Variants in CRISP1 observed in about 807,000 individuals in gnomAD.
CRISP1 encodes the protein cysteine rich secretory protein 1, also known as cysteine-rich secretory protein 1.
In CRISP1, 44 loss-of-function variants were observed where a neutral mutation model predicts 33.1. The observed-to-expected ratio is 1.33, with a 90% CI of 1.05 to 1.71. The LOEUF (loss-of-function observed/expected upper bound fraction) is 1.71. Ranked by LOEUF, CRISP1 falls within the 40% of genes most tolerant of loss-of-function variation. The pLI is 0.00. For synonymous variants in CRISP1, 103 were observed against 98.7 expected (o/e 1.04, Z -0.26); for missense variants, 390 against 301.2 (o/e 1.29, Z -2.18).
At chr6:49,844,757 T>C (rs1771105618) in intron 5 of CRISP1, among the ~76,000 whole-genome samples, 1 of 152,214 alleles carries the variant, frequency 6.6e-6, no homozygotes, top group Non-Finnish European at 1.5e-5. Context: ...CTGGGACCCA[T>C]TGCTGCTTCC....
chr6:49,841,199 T>C (rs1025035483), intron 5 of CRISP1, among the ~76,000 whole-genome samples: 4 of 152,112 alleles, frequency 2.6e-5, no homozygotes, highest in African/African-American at 9.7e-5. Context: ...CTGCACACAA[T>C]GGAAACCAGG....
chr6:49,853,306 A>T (rs750310390), intron 2 of CRISP1, among the ~76,000 whole-genome samples: 19 of 152,040 alleles, frequency 1.2e-4, no homozygotes, highest in Non-Finnish European at 2.2e-4. Context: ...CTCACACCTC[A>T]TTCCTGAACA....
intron 7 of CRISP1, among the ~76,000 whole-genome samples, chr6:49,837,258 G>A (rs1047037357): frequency 1.4e-4 from 21 of 152,014 alleles, no homozygotes; most frequent in African/African-American, 5.1e-4. Flanking sequence ...GGTGAAGAAA[G>A]GGCTTATGAT....
intron 4 of CRISP1, 95 bp downstream of exon 4, chr6:49,848,114 G>T: frequency 1.5e-6 from 1 of 653,948 alleles, no homozygotes; most frequent in South Asian, 2.4e-5. Flanking sequence ...AAATCTAGAT[G>T]ACTTAATTTA....
intron 1 of CRISP1, among the ~76,000 whole-genome samples, chr6:49,865,633 T>G (rs1771782295): frequency 1.3e-5 from 2 of 152,154 alleles, no homozygotes; most frequent in South Asian, 4.1e-4. Context: ...TAAGCAGTTT[T>G]GGAGAGAATA....
At chr6:49,859,999 A>C (rs1771603396) in intron 1 of CRISP1, among the ~76,000 whole-genome samples, 1 of 152,132 alleles carries the variant, frequency 6.6e-6, no homozygotes, top group Non-Finnish European at 1.5e-5. Context: ...AACAGACTTT[A>C]AGTTCAAAAC....
chr6:49,861,972 CTT>C (rs1399199958), intron 1 of CRISP1, among the ~76,000 whole-genome samples: 1 of 152,122 alleles, frequency 6.6e-6, no homozygotes, highest in East Asian at 1.9e-4. Flanking sequence ...AGCTGAATGT[CTT>C]TTCTCTAAGG....
intron 6 of CRISP1, among the ~76,000 whole-genome samples, chr6:49,839,686 A>T (rs1770920848): frequency 6.6e-6 from 1 of 152,228 alleles, no homozygotes. Flanking sequence ...CAACCAAGAA[A>T]ATTCCCCATC....
intron 2 of CRISP1, among the ~76,000 whole-genome samples, chr6:49,854,131 G>A (rs1241645871): frequency 6.6e-6 from 1 of 152,076 alleles, no homozygotes; most frequent in African/African-American, 2.4e-5. Flanking sequence ...TGCTTCAACT[G>A]TCTCACCCAG....
rs200578637 is a variant in CRISP1, at chr6:49,863,290, T to C, written c.-3+3139A>G. On this transcript the variant is annotated intron_variant, in intron 1 of 7. Transcript: ENST00000335847. ...ACCTCTGGGACTTATCTTATCCCAATGTTCCAATAGGATAAATTATTCTCT... is the reference window on the plus strand; with the variant it reads ...ACCTCTGGGACTTATCTTATCCCAACGTTCCAATAGGATAAATTATTCTCT... Among the ~76,000 whole-genome samples the C allele has an allele frequency of 2.7e-4, 41 of 152,288 alleles. No homozygotes were observed. The East Asian group carries it at 7.1e-3, about 27-fold the overall frequency.
At chr6:49,837,224 C>G (rs1202353431) in intron 7 of CRISP1, among the ~76,000 whole-genome samples, 1 of 152,118 alleles carries the variant, frequency 6.6e-6, no homozygotes, top group Non-Finnish European at 1.5e-5. Context: ...CCTTTAATAG[C>G]TCTCACTTTC....
upstream of CRISP1, among the ~76,000 whole-genome samples, chr6:49,869,034 TTTTAG>T (rs1205197741): frequency 6.6e-6 from 1 of 152,142 alleles, no homozygotes; most frequent in Non-Finnish European, 1.5e-5. Flanking sequence ...TTCAACTTTG[TTTTAG>T]TTGTCTACTT....
chr6:49,840,159 T>C (rs1020525904), intron 6 of CRISP1, among the ~76,000 whole-genome samples: 1 of 152,190 alleles, frequency 6.6e-6, no homozygotes, highest in Non-Finnish European at 1.5e-5. Flanking sequence ...TATCAGGCAG[T>C]TCTATCCAGC....
intron 3 of CRISP1, 28 bp downstream of exon 3, chr6:49,851,973 C>A (rs753555800): frequency 2.5e-6 from 4 of 1,594,714 alleles, no homozygotes; most frequent in Non-Finnish European, 3.4e-6. Context: ...TTATTGCAAT[C>A]ATGGTTGTTG....
At chr6:49,857,292 CT>C (rs1469389962) in intron 2 of CRISP1, 42 bp downstream of exon 2, 1 of 1,581,664 alleles carries the variant, frequency 6.3e-7, no homozygotes, top group East Asian at 2.3e-5. Flanking sequence ...TAGCTCTTAT[CT>C]TTATTTAGAA....
intron 1 of CRISP1, among the ~76,000 whole-genome samples, chr6:49,874,353 A>G (rs967116663): frequency 7.2e-5 from 11 of 152,110 alleles, no homozygotes; most frequent in African/African-American, 2.7e-4. Context: ...AACTAAAAAC[A>G]CTCAGAAAAA....
At chr6:49,857,796 A>G (rs551651622) in intron 1 of CRISP1, among the ~76,000 whole-genome samples, 55 of 152,312 alleles carry the variant, frequency 3.6e-4, no homozygotes, top group South Asian at 1.9e-3. Context: ...AAAAGAGTCA[A>G]TGTCAGTGAT....
chr6:49,842,339 A>G (rs1771018927), intron 5 of CRISP1, among the ~76,000 whole-genome samples: 1 of 152,194 alleles, frequency 6.6e-6, no homozygotes, highest in Admixed American at 6.5e-5. Context: ...AATGCAGCTG[A>G]ACATCTATTT....
chr6:49,851,593 A>T (rs551983914), intron 3 of CRISP1, among the ~76,000 whole-genome samples: 5 of 152,308 alleles, frequency 3.3e-5, no homozygotes, highest in Admixed American at 3.3e-4. Flanking sequence ...AAATGCATGG[A>T]TAACTTGTTA....
Sources: gnomAD v4.1 joint callset for allele counts (sites outside exome capture counted in the v4.1 genomes callset) on GRCh38, gnomAD v4.1.1 for gene constraint, MANE v1.5 for transcripts, NCBI Gene and HGNC (gene_info 2026-07-23, HGNC 2026-07-21) for gene names.